Variants in PTCD2 observed in about 807,000 individuals in gnomAD.
The protein encoded by PTCD2 is pentatricopeptide repeat-containing protein 2, mitochondrial.
In PTCD2, 31 loss-of-function variants were observed where a neutral mutation model predicts 42.6. That is an observed-to-expected ratio of 0.73 (90% CI 0.55 to 0.98). The LOEUF (loss-of-function observed/expected upper bound fraction) is 0.98. Ranked by LOEUF, PTCD2 falls within the 50% of genes least tolerant of loss-of-function variation. PTCD2 has a pLI of 0.00. For missense variants in PTCD2, 476 were observed against 454.8 expected (o/e 1.05, Z -0.42); for synonymous variants, 183 against 170.9 (o/e 1.07, Z -0.55).
intron 8 of PTCD2, among the ~76,000 whole-genome samples, chr5:72,343,875 G>C (rs1215223426): frequency 6.6e-6 from 1 of 152,106 alleles, no homozygotes; most frequent in African/African-American, 2.4e-5. Flanking sequence ...CTTGTATACT[G>C]TGTCTACTTG....
At position 72,320,463 on chromosome 5, in the gene PTCD2, TG is replaced by T; in HGVS notation, c.85del (p.Val29TrpfsTer25). The T allele has an allele frequency of 6.2e-7, 1 of 1,614,060 alleles. No individual in the cohort carries two copies. ...LQALQILVYP[G>X]VGGSGSVSCR... The stretch of plus-strand genomic sequence containing the variant: ...AGGCGCTGCAGATTTTGGTGTATCC[TG>T]GGGTGGGAGGCTCCGGCTCTGTCAG... On this transcript the variant is annotated frameshift_variant, in exon 1 of 10. Transcript: ENST00000380639. LOFTEE classifies it high-confidence loss of function.
Position 72,354,382 on chromosome 5 carries a change from GAAAAAAAAA to G in PTCD2, c.942+1646_942+1654del, listed in dbSNP as rs35170727. 3.4e-4 allele frequency among the ~76,000 whole-genome samples: 10 copies of G among 29,816 alleles called. No individual in the cohort carries two copies. In the Admixed American group the frequency reaches 5.6e-3, roughly 17 times the overall value. The allele number at this position is 29,816 out of a possible 152,430, so 19.6% of individuals were successfully genotyped here. On this transcript the variant is annotated intron_variant, in intron 9 of 9. Coordinates refer to ENST00000380639, the MANE Select transcript of PTCD2 (RefSeq NM_024754.5). Reference sequence around the variant, plus strand: ...CTGGCGACAGAATGAGACTCCATCTGAAAAAAAAAAAAAAAAAAAAAAAAAAGCTCTTTT... The same window carrying G: ...CTGGCGACAGAATGAGACTCCATCTGAAAAAAAAAAAAAAAAAGCTCTTTT...
chr5:72,342,623 G>A (rs888339186), intron 7 of PTCD2, among the ~76,000 whole-genome samples: 1 of 152,136 alleles, frequency 6.6e-6, no homozygotes, highest in Non-Finnish European at 1.5e-5. Flanking sequence ...GTGGCTTGAG[G>A]TTTCTATGTT....
chr5:72,342,885 C>T, intron 7 of PTCD2, 77 bp from the exon 8 acceptor site: 1 of 813,446 alleles, frequency 1.2e-6, no homozygotes, highest in African/African-American at 1.7e-5. Context: ...TAGGAATATA[C>T]TGCCCTCTCT....
intron 3 of PTCD2, 25 bp from the exon 4 acceptor site, chr5:72,331,233 C>A: frequency 1.4e-6 from 2 of 1,452,382 alleles, no homozygotes; most frequent in Non-Finnish European, 1.9e-6. Flanking sequence ...TACCTTTTGG[C>A]TCATTGAATC....
In PTCD2 at chr5:72,331,346, G is replaced by C; in HGVS notation, c.439G>C (p.Glu147Gln). 1 of 1,613,514 alleles carries C rather than the reference G, an allele frequency of 6.2e-7. No individual in the cohort carries two copies. The highest frequency in any genetic ancestry group is 2.2e-5 in the East Asian group (1 of 44,884). Residue 147 changes from glutamate to glutamine, a missense_variant, in exon 4 of 10, where the codon GAA (glutamate) becomes CAA (glutamine). Transcript: ENST00000380639. ...GTTGTGTTACGAGTTGGATCTCGAG[G>C]AATCTGCAGTGGAGCTCATGAAAGA... The part of the protein sequence containing the change: ...VRLCYELDLE[E>Q]SAVELMKDQH...
In PTCD2 at chr5:72,338,675, C is replaced by G; in HGVS notation, c.693C>G (p.Leu231=). The change falls in exon 7 of 10, where the codon CTC becomes CTG. Residue 231 remains leucine (L), a synonymous_variant. Transcript: ENST00000380639. ...CTACATTAAGAGAAGAAGCTCTACT[C>G]AAAGGAGAAATTCTCTCCAGGAGAG... ...ICTTLREEAL[L]KGEILSRRAS... 4 of 1,613,120 alleles carry G rather than the reference C, an allele frequency of 2.5e-6. No homozygotes were observed. Among genetic ancestry groups the G allele is most frequent in the Non-Finnish European group, 3.4e-6 (4 of 1,179,154 alleles).
intron 2 of PTCD2, among the ~76,000 whole-genome samples, chr5:72,322,648 G>A (rs1750922310): frequency 6.6e-6 from 1 of 152,192 alleles, no homozygotes; most frequent in Admixed American, 6.5e-5. Flanking sequence ...AAAAACTTCA[G>A]ATGATTGGCT....
rs572319216 is a variant in PTCD2 at position 72,338,797 on chromosome 5, G to A, written c.753+62G>A. The A allele has an allele frequency of 1.5e-5, 14 of 919,414 alleles. 1 individual carries two copies. Among genetic ancestry groups the A allele is most frequent in the East Asian group, 1.5e-4 (6 of 39,984 alleles). 57.0% of individuals were successfully genotyped at this position (919,414 alleles called of 1,614,324 possible). A position where few individuals can be genotyped will look rare whatever the true frequency, so the allele number is the denominator to read the frequency against. On this transcript the variant is annotated intron_variant, in intron 7 of 9. Transcript: ENST00000380639. ...GGCCAGGACTTCATTACTTTTATTC[G>A]TCCTTGCTTTTCCTTTTTTCCTTCT...
At chr5:72,326,309 A>G (rs142172646) in intron 2 of PTCD2, among the ~76,000 whole-genome samples, 101 of 152,356 alleles carry the variant, frequency 6.6e-4, no homozygotes, top group Middle Eastern at 3.4e-3. Flanking sequence ...AAACTTTAGT[A>G]TACCAGAGGA....
chr5:72,344,319 T>C (rs549903989), intron 8 of PTCD2, among the ~76,000 whole-genome samples: 1 of 152,244 alleles, frequency 6.6e-6, no homozygotes, highest in African/African-American at 2.4e-5. Context: ...CGAGATCATC[T>C]TGGCCAACAT....
intron 3 of PTCD2, 26 bp downstream of exon 3, chr5:72,326,767 C>T: frequency 6.2e-7 from 1 of 1,609,990 alleles, no homozygotes; most frequent in Non-Finnish European, 8.5e-7. Context: ...AGAATGTTGC[C>T]ACCCTTATCC....
rs764484159 is a variant in PTCD2 at position 72,322,264 on chromosome 5, G to T, written c.220G>T (p.Glu74Ter). ...AVACNLSGTK[E>*]TYFRNLKKKL... ...TGCATGTAATCTTTCTGGCACTAAA[G>T]GTAATAGAATCTATTTTGTTAATTC... Residue 74 changes from glutamate (E) to a stop codon, truncating the protein, a stop_gained and splice_region_variant, in exon 2 of 10, where the codon GAA becomes TAA. Transcript: ENST00000380639. LOFTEE classifies it high-confidence loss of function. The T allele has an allele frequency of 6.5e-7, 1 of 1,545,906 alleles. No homozygotes were observed. Among genetic ancestry groups the T allele is most frequent in the South Asian group, 1.1e-5 (1 of 89,122 alleles).
intron 1 of PTCD2, 141 bp downstream of exon 1, chr5:72,320,650 C>T (rs776131369): frequency 1.6e-6 from 2 of 1,222,878 alleles, no homozygotes; most frequent in African/African-American, 1.5e-5. Flanking sequence ...TCTAGTTGCA[C>T]GTGGGTGCAG....
chr5:72,342,718 A>G (rs993620642), intron 7 of PTCD2, among the ~76,000 whole-genome samples: 4 of 152,222 alleles, frequency 2.6e-5, no homozygotes, highest in Non-Finnish European at 5.9e-5. Context: ...GAGAAGGGGA[A>G]ATACCAACTT....
At chr5:72,346,926 C>T (rs1752386861) in intron 8 of PTCD2, among the ~76,000 whole-genome samples, 1 of 152,080 alleles carries the variant, frequency 6.6e-6, no homozygotes, top group Admixed American at 6.5e-5. Flanking sequence ...ATCACTTTTC[C>T]TAGAATTGAA....
At chr5:72,328,802 C>A (rs1751276468) in intron 3 of PTCD2, among the ~76,000 whole-genome samples, 1 of 152,034 alleles carries the variant, frequency 6.6e-6, no homozygotes. Flanking sequence ...ATCAACTATG[C>A]CCATATTGTT....
intron 9 of PTCD2, 126 bp downstream of exon 9, chr5:72,352,880 C>G (rs1434317877): frequency 1.7e-6 from 1 of 572,920 alleles, no homozygotes; most frequent in Non-Finnish European, 3.1e-6. Flanking sequence ...CTCTGTTGTT[C>G]CTGTTTTAAG....
chr5:72,327,556 C>T (rs1187987376), intron 3 of PTCD2, among the ~76,000 whole-genome samples: 1 of 151,564 alleles, frequency 6.6e-6, no homozygotes, highest in Non-Finnish European at 1.5e-5. Flanking sequence ...TCAATGCAAC[C>T]TCCACCTCCA....
Sources: allele counts gnomAD v4.1 joint callset (sites outside exome capture counted in the v4.1 genomes callset), GRCh38; gene constraint gnomAD v4.1.1; transcripts MANE v1.5; gene names NCBI Gene and HGNC (gene_info 2026-07-23, HGNC 2026-07-21).